KIAA1217: variants seen among roughly 807,000 people sequenced by gnomAD.
KIAA1217 encodes sickle tail protein homolog.
A neutral mutation model predicts 163.9 loss-of-function variants in KIAA1217; 88 were observed. The ratio of observed to expected loss-of-function variants is 0.54; its 90% confidence interval spans 0.45 to 0.64. The LOEUF is 0.64. Among genes scored for constraint, KIAA1217 ranks in the 30% least tolerant of loss-of-function variants. The pLI is 0.00. For synonymous variants in KIAA1217, 903 were observed against 923.1 expected, an observed-to-expected ratio of 0.98 and a Z score of 0.39; for missense variants, 2,372 against 2,475.0, an observed-to-expected ratio of 0.96 and a Z score of 0.88.
chr10:23,788,487 T>C (rs1239229846), intron 1 of KIAA1217, among the ~76,000 whole-genome samples: 3 of 152,118 alleles, frequency 2.0e-5, no homozygotes, highest in Admixed American at 6.6e-5. Flanking sequence ...AGACATAAGG[T>C]TTCCAAAAAA....
rs1590466753 is a variant in KIAA1217, at chr10:24,275,444, G to T, written c.354+55535G>T. 2.6e-5 allele frequency among the ~76,000 whole-genome samples: 4 copies of T among 152,202 alleles called. No individual in the cohort carries two copies. In the South Asian group the frequency reaches 8.3e-4, roughly 31 times the overall value. ...AACTGAAACAAAAAAGCAGAGTGTT[G>T]TTTAGTTAGACGCCACCTGGGAACG... On this transcript the variant is annotated intron_variant, in intron 2 of 20. Coordinates refer to ENST00000376454, the MANE Select transcript of KIAA1217 (RefSeq NM_019590.5).
intron 2 of KIAA1217, among the ~76,000 whole-genome samples, chr10:24,151,890 T>C (rs982029299): frequency 6.6e-6 from 1 of 152,178 alleles, no homozygotes; most frequent in African/African-American, 2.4e-5. Flanking sequence ...GGCAAAGCTA[T>C]GATATGAATC....
chr10:23,837,781 T>C (rs189679818), intron 1 of KIAA1217, among the ~76,000 whole-genome samples: 92 of 152,248 alleles, frequency 6.0e-4, no homozygotes, highest in African/African-American at 2.2e-3. Context: ...GCTCAATTGA[T>C]CCACCCACCT....
chr10:24,433,937 A>C (rs1294990483), intron 4 of KIAA1217, among the ~76,000 whole-genome samples: 2 of 151,284 alleles, frequency 1.3e-5, no homozygotes, highest in Non-Finnish European at 2.9e-5. Flanking sequence ...ATATCCTCCA[A>C]AATTAAGCTA....
chr10:23,784,211 T>A (rs935073937), intron 1 of KIAA1217, among the ~76,000 whole-genome samples: 1 of 152,136 alleles, frequency 6.6e-6, no homozygotes. Flanking sequence ...CTTGTGACAA[T>A]TTTTGACTTA....
chr10:24,337,640 CTTTTCTTTTCTTTT>C (rs2046547355), intron 2 of KIAA1217, among the ~76,000 whole-genome samples: 1 of 48,842 alleles, frequency 2.0e-5, no homozygotes, highest in African/African-American at 1.1e-4. Flanking sequence ...CTTTTCTTTT[CTTTTCTTTTCTTTT>C]TTTTTTTTGA....
chr10:24,335,701 C>A (rs78458642), intron 2 of KIAA1217, among the ~76,000 whole-genome samples: 12,376 of 151,622 alleles, frequency 0.082, 583 homozygotes, highest in East Asian at 0.15. Context: ...CCTCTGACTC[C>A]TGGGCTCAAG....
Position 24,381,031 on chromosome 10 carries a change from G to A in KIAA1217, c.517G>A (p.Val173Met). ...GSRTRASLPV[V>M]RSTNQTKERS... The stretch of plus-strand genomic sequence containing the variant: ...CCGGACTCGTGCGAGCCTTCCTGTG[G>A]TGAGGTCAACCAACCAGACGAAAGA... Residue 173 changes from valine to methionine, a missense_variant, in exon 3 of 21, where the codon GTG becomes ATG. Val to Met is a conservative substitution (Grantham distance 21, BLOSUM62 1). This residue lies in a region of KIAA1217 where 1,431 missense variants were observed against 1,470.3 expected (regional missense o/e 0.97). Coordinates refer to ENST00000376454, the MANE Select transcript of KIAA1217 (RefSeq NM_019590.5). 6.3e-7 allele frequency: 1 copy of A among 1,599,660 alleles called. No individual in the cohort carries two copies. Among genetic ancestry groups the A allele is most frequent in the East Asian group, 2.3e-5 (1 of 44,426 alleles).
At chr10:24,227,351 G>C (rs1290103062) in intron 2 of KIAA1217, among the ~76,000 whole-genome samples, 6 of 151,172 alleles carry the variant, frequency 4.0e-5, no homozygotes, top group Non-Finnish European at 8.8e-5. Context: ...TAGAGACAGG[G>C]TTTCACTATG....
At chr10:24,112,886 A>G (rs1263929871) in intron 2 of KIAA1217, among the ~76,000 whole-genome samples, 1 of 152,022 alleles carries the variant, frequency 6.6e-6, no homozygotes, top group Non-Finnish European at 1.5e-5. Flanking sequence ...ACGCCTGGCC[A>G]TGACTGGTGT....
intron 1 of KIAA1217, among the ~76,000 whole-genome samples, chr10:23,805,583 A>G (rs965076762): frequency 2.0e-5 from 3 of 152,164 alleles, no homozygotes; most frequent in African/African-American, 7.2e-5. Flanking sequence ...TACTAGGCTT[A>G]ATACCTGGGT....
At chr10:23,739,017 G>T (rs1435344545) in intron 1 of KIAA1217, among the ~76,000 whole-genome samples, 1 of 152,164 alleles carries the variant, frequency 6.6e-6, no homozygotes, top group Admixed American at 6.5e-5. Context: ...GGTAAAGAAT[G>T]ATTGGATAAA....
intron 2 of KIAA1217, among the ~76,000 whole-genome samples, chr10:24,315,362 C>T (rs888865530): frequency 2.0e-5 from 3 of 152,202 alleles, no homozygotes; most frequent in Non-Finnish European, 2.9e-5. Flanking sequence ...TCTAAGTACA[C>T]TATACACTTC....
At chr10:23,849,591 T>C (rs551635107) in intron 1 of KIAA1217, among the ~76,000 whole-genome samples, 1 of 152,084 alleles carries the variant, frequency 6.6e-6, no homozygotes, top group Non-Finnish European at 1.5e-5. Flanking sequence ...AGTTAATGGG[T>C]GCATCAAACC....
At chr10:24,365,523 C>G (rs929934777) in intron 2 of KIAA1217, among the ~76,000 whole-genome samples, 1 of 151,980 alleles carries the variant, frequency 6.6e-6, no homozygotes, top group Non-Finnish European at 1.5e-5. Flanking sequence ...GTATTTCTTT[C>G]ACAGTTGATG....
chr10:23,897,254 T>C (rs74562537), intron 1 of KIAA1217, among the ~76,000 whole-genome samples: 2,590 of 152,172 alleles, frequency 0.017, 42 homozygotes, highest in Admixed American at 0.048. Context: ...CCTCATCAAC[T>C]TCCTTCATTC....
intron 3 of KIAA1217, among the ~76,000 whole-genome samples, chr10:24,402,837 G>T (rs77167475): frequency 0.015 from 2,304 of 152,110 alleles, 64 homozygotes; most frequent in African/African-American, 0.052. Flanking sequence ...TTCATCCTCT[G>T]AAGGAGATCC....
chr10:24,315,936 G>GGC (rs1564458730), intron 2 of KIAA1217, among the ~76,000 whole-genome samples: 2 of 147,886 alleles, frequency 1.4e-5, no homozygotes, highest in African/African-American at 4.9e-5. Flanking sequence ...TAATGGGGGG[G>GGC]GGGAATCCAA....
At chr10:24,306,960 C>T (rs12220707) in intron 2 of KIAA1217, among the ~76,000 whole-genome samples, 14,522 of 152,192 alleles carry the variant, frequency 0.095, 988 homozygotes, top group East Asian at 0.3. Flanking sequence ...GGCTACCTGC[C>T]GGGCATTAGT....
Sources: gnomAD v4.1 joint callset for allele counts (sites outside exome capture counted in the v4.1 genomes callset) on GRCh38, gnomAD v4.1.1 for gene constraint, gnomAD v4.1.1 regional missense constraint, MANE v1.5 for transcripts, NCBI Gene and HGNC (gene_info 2026-07-23, HGNC 2026-07-21) for gene names.